Variants in TEX2 observed in about 807,000 individuals in gnomAD.
The protein encoded by TEX2 is testis-expressed protein 2.
Under a neutral mutation model 106.9 loss-of-function variants are expected in TEX2, and 53 were observed. The ratio of observed to expected loss-of-function variants is 0.50; its 90% CI spans 0.40 to 0.62. TEX2 has a LOEUF of 0.62. Among genes scored for constraint, TEX2 ranks in the 20% least tolerant of loss-of-function variants. The pLI, the probability that TEX2 is intolerant of heterozygous loss-of-function variation, is 0.00. For synonymous variants in TEX2, 523 were observed against 534.8 expected (o/e 0.98, Z 0.30); for missense variants, 1,207 against 1,379.0 (o/e 0.88, Z 1.98).
intron 1 of TEX2, among the ~76,000 whole-genome samples, chr17:64,220,252 C>T (rs1555633136): frequency 1.3e-5 from 2 of 151,950 alleles, no homozygotes; most frequent in Non-Finnish European, 2.9e-5. Context: ...CTATAAAAAC[C>T]CTAGAAGAAA....
intron 5 of TEX2, among the ~76,000 whole-genome samples, chr17:64,181,925 A>G (rs2031885458): frequency 6.6e-6 from 1 of 151,662 alleles, no homozygotes; most frequent in Non-Finnish European, 1.5e-5. Context: ...GCGGTTCCTT[A>G]AACAATTTAA....
At chr17:64,225,494 AT>A (rs1283165986) in intron 1 of TEX2, among the ~76,000 whole-genome samples, 2 of 152,116 alleles carry the variant, frequency 1.3e-5, no homozygotes, top group African/African-American at 4.8e-5. Context: ...GCTTGAATTT[AT>A]ATTTAAATCT....
chr17:64,179,259 G>A (rs9915598), intron 5 of TEX2, among the ~76,000 whole-genome samples: 108,142 of 151,892 alleles, frequency 0.71, 38,596 homozygotes, highest in East Asian at 0.82. Context: ...ACCAATCAGC[G>A]CTCTGTAAAA....
At chr17:64,262,452 C>T (rs1394433283) in intron 1 of TEX2, among the ~76,000 whole-genome samples, 2 of 152,260 alleles carry the variant, frequency 1.3e-5, no homozygotes, top group Admixed American at 6.5e-5. Flanking sequence ...GCCGTACGCT[C>T]TAGGCAGCGT....
chr17:64,149,143 G>A (rs1384799997), intron 11 of TEX2, 52 bp from the exon 12 acceptor site: 1 of 1,597,776 alleles, frequency 6.3e-7, no homozygotes, highest in Admixed American at 1.7e-5. Context: ...TTGCCAGGCT[G>A]TCACCCTCCT....
At chr17:64,162,099 T>C (rs2030915823) in intron 7 of TEX2, among the ~76,000 whole-genome samples, 1 of 152,220 alleles carries the variant, frequency 6.6e-6, no homozygotes, top group African/African-American at 2.4e-5. Flanking sequence ...GGTAATTATT[T>C]TCCATGAATG....
chr17:64,188,274 A>T lies in TEX2; in HGVS notation c.2318T>A (p.Leu773His). 1.2e-6 allele frequency: 2 copies of T among 1,614,098 alleles called. No individual in the cohort carries two copies. The highest frequency in any genetic ancestry group is 1.7e-6 in the Non-Finnish European group (2 of 1,180,042). ...ELAGSVRQKM[L>H]LDYSVYMGRC... ...GCCCATGTACACGCTGTAGTCGAGA[A>T]GCATCTTCTGCCGCACGCTGCCTGC... Residue 773 changes from leucine (L) to histidine (H), a missense_variant, in exon 5 of 12, where the codon CTT becomes CAT. Transcript: ENST00000584379.
At position 64,160,880 on chromosome 17, in the gene TEX2, C is replaced by T. The variant is rs2143658334; in HGVS notation, c.2725G>A (p.Glu909Lys). 2.5e-6 allele frequency: 4 copies of T among 1,613,948 alleles called. No homozygotes were observed. Among genetic ancestry groups the T allele is most frequent in the East Asian group, 2.2e-5 (1 of 44,884 alleles). The change falls in exon 8 of 12, where the codon GAG (glutamate) becomes AAG (lysine). Residue 909 changes from glutamate (E) to lysine (K), a missense_variant. Around this residue, in one of 3 missense-constraint regions of TEX2, gnomAD observed 1,067 missense variants for 1,193.6 expected, o/e 0.89. Transcript: ENST00000584379. ...SYNGSFLMTL[E>K]TKMNLTKLGK... Reference sequence around the variant, plus strand: ...AGTTTGGTCAAATTCATTTTGGTCTCGAGAGTCATCAGAAAGGACCCATTG... The same window carrying T: ...AGTTTGGTCAAATTCATTTTGGTCTTGAGAGTCATCAGAAAGGACCCATTG...
chr17:64,188,210 G>A lies in TEX2; in HGVS notation c.2382C>T (p.Ser794=). Residue 794 remains serine (S), a synonymous_variant, in exon 5 of 12, where the codon AGC becomes AGT. Coordinates refer to ENST00000584379, the MANE Select transcript of TEX2 (RefSeq NM_001288732.2). The part of the protein sequence containing the change: ...VPQESRSPQR[S]PLQSAESSPT... ...GGCTGCTCTCCGCACTCTGCAGGGG[G>A]CTCCTCTGGGGGCTTCGGCTTTCCT... 6.2e-7 allele frequency: 1 copy of A among 1,612,274 alleles called. No individual in the cohort carries two copies. Among genetic ancestry groups the A allele is most frequent in the Admixed American group, 1.7e-5 (1 of 60,014 alleles).
rs141851916 is a variant in TEX2, at chr17:64,220,765, A to T, written c.-25-6523T>A. ...TACACTGTTGGTGGGAATATAAATT[A>T]GTTCAACCATTGTGGAAGACAGTGT... On this transcript the variant is annotated intron_variant, in intron 1 of 11. Transcript: ENST00000584379. 3.9e-5 allele frequency among the ~76,000 whole-genome samples: 6 copies of T among 152,330 alleles called. No individual in the cohort carries two copies. In the East Asian group the frequency reaches 7.7e-4, roughly 20 times the overall value.
chr17:64,167,520 G>GT (rs2143705113), intron 7 of TEX2, among the ~76,000 whole-genome samples: 1 of 152,188 alleles, frequency 6.6e-6, no homozygotes, highest in Non-Finnish European at 1.5e-5. Flanking sequence ...AGTAGGTGCT[G>GT]TAAGAATCCC....
At chr17:64,180,069 T>C (rs1437122686) in intron 5 of TEX2, among the ~76,000 whole-genome samples, 4 of 152,234 alleles carry the variant, frequency 2.6e-5, no homozygotes, top group Non-Finnish European at 5.9e-5. Context: ...TTTCTGAGGT[T>C]ACTGTCTTTG....
At chr17:64,171,345 A>G (rs1012773849) in intron 6 of TEX2, 146 bp from the exon 7 acceptor site, 5 of 668,632 alleles carry the variant, frequency 7.5e-6, no homozygotes, top group Non-Finnish European at 1.3e-5. Context: ...TGCACACATC[A>G]TGTACTAGGC....
At chr17:64,248,891 C>T (rs543796555) in intron 1 of TEX2, among the ~76,000 whole-genome samples, 1 of 152,098 alleles carries the variant, frequency 6.6e-6, no homozygotes, top group East Asian at 1.9e-4. Flanking sequence ...AAAAATTTAC[C>T]AGGCCTGGTG....
intron 1 of TEX2, among the ~76,000 whole-genome samples, chr17:64,254,308 AATGT>A (rs2034145939): frequency 6.6e-6 from 1 of 152,166 alleles, no homozygotes; most frequent in Admixed American, 6.5e-5. Context: ...TTTTCTCTAA[AATGT>A]ACTGAGTTTG....
intron 7 of TEX2, among the ~76,000 whole-genome samples, chr17:64,166,254 G>GT (rs2031131715): frequency 6.6e-6 from 1 of 152,230 alleles, no homozygotes; most frequent in African/African-American, 2.4e-5. Flanking sequence ...TGCTTTACAC[G>GT]TAACACTGCA....
chr17:64,210,634 C>CTTTTTTTTTTTTTTTTTTTTTT (rs58313195), intron 2 of TEX2, among the ~76,000 whole-genome samples: 7 of 74,758 alleles, frequency 9.4e-5, no homozygotes, highest in Non-Finnish European at 1.7e-4. Context: ...CAACCCCCAG[C>CTTTTTTTTTTTTTTTTTTTTTT]TTTTTTTTTT....
At position 64,181,788 on chromosome 17, in the gene TEX2, T is replaced by C. The variant is rs186241086; in HGVS notation, c.2425-4317A>G. Among the ~76,000 whole-genome samples the C allele has an allele frequency of 3.6e-3, 546 of 150,970 alleles. 6 individuals are homozygous for C. The highest frequency in any genetic ancestry group is 0.013 in the African/African-American group (519 of 41,202). On this transcript the variant is annotated intron_variant, in intron 5 of 11. Coordinates refer to ENST00000584379, the MANE Select transcript of TEX2 (RefSeq NM_001288732.2). ...GCCTCGGCCTCCCAAAGTGCTGAGA[T>C]TACAGGTGTGAGCCACCATGCCCGG...
At position 64,183,165 on chromosome 17, in the gene TEX2, C is replaced by T. The variant is rs117700255; in HGVS notation, c.2424+5003G>A. Among the ~76,000 whole-genome samples the T allele has an allele frequency of 1.2e-3, 183 of 152,336 alleles. 4 individuals are homozygous for T. The East Asian group carries it at 0.035, about 29-fold the overall frequency. On this transcript the variant is annotated intron_variant, in intron 5 of 11. Coordinates refer to ENST00000584379, the MANE Select transcript of TEX2 (RefSeq NM_001288732.2). ...AAGTAATCCACCCACCTCAGCCTTC[C>T]GAACTGCTGGGCTTACAGGCGCAAG...
Sources: allele counts gnomAD v4.1 joint callset (sites outside exome capture counted in the v4.1 genomes callset), GRCh38; gene constraint gnomAD v4.1.1; regional missense constraint gnomAD v4.1.1; transcripts MANE v1.5; gene names NCBI Gene and HGNC (gene_info 2026-07-23, HGNC 2026-07-21).